The following ITGB1 variants were observed in gnomAD, a reference collection of about 807,000 sequenced individuals.
The protein encoded by ITGB1 is integrin subunit beta 1, also known as integrin beta-1.
A neutral mutation model predicts 86.5 loss-of-function variants in ITGB1; 24 were observed. The ratio of observed to expected loss-of-function variants is 0.28; its 90% CI spans 0.20 to 0.39. The LOEUF (loss-of-function observed/expected upper bound fraction) is 0.39, where lower values mean the gene tolerates loss of function less well. Among genes scored for constraint, ITGB1 ranks in the 10% least tolerant of loss-of-function variants. The probability of loss-of-function intolerance (pLI) is 1.00; values close to 1 mark genes in which losing one functional copy is unlikely to be tolerated. For missense variants in ITGB1, 556 were observed against 946.9 expected (o/e 0.59, Z 5.42); for synonymous variants, 323 against 316.8 (o/e 1.02, Z -0.21).
chr10:32,948,562 TGA>T (rs973402602), intron 1 of ITGB1, among the ~76,000 whole-genome samples: 13 of 152,122 alleles, frequency 8.5e-5, no homozygotes, highest in Admixed American at 2.0e-4. Flanking sequence ...GCAACAGTGA[TGA>T]GAGGTGGGAC....
At chr10:32,946,751 G>GC (rs2095032001) in intron 1 of ITGB1, among the ~76,000 whole-genome samples, 1 of 27,300 alleles carries the variant, frequency 3.7e-5, no homozygotes, top group Admixed American at 5.0e-4. Flanking sequence ...TGTATTTCTG[G>GC]GGGGGGGGGG....
intron 9 of ITGB1, among the ~76,000 whole-genome samples, chr10:32,921,028 G>A (rs866487717): frequency 2.6e-5 from 4 of 150,980 alleles, no homozygotes; most frequent in East Asian, 1.9e-4. Context: ...AAAAAAAAAC[G>A]AAATAAATGC....
In ITGB1 at chr10:32,925,938, C is replaced by T. The variant is rs371485643; in HGVS notation, c.719G>A (p.Arg240His). The part of the protein sequence containing the change: ...EVFNELVGKQ[R>H]ISGNLDSPEG... ...TGGAGAATCCAAATTTCCAGATATG[C>T]GCTGTTTTCCAACAAGTTCATTAAA... The change falls in exon 6 of 16, where the codon CGC (arginine) becomes CAC (histidine). Residue 240 changes from arginine to histidine, a missense_variant. Coordinates refer to ENST00000302278, the MANE Select transcript of ITGB1 (RefSeq NM_002211.4). 28 of 1,614,050 alleles carry T rather than the reference C, an allele frequency of 1.7e-5. No individual in the cohort carries two copies. The highest frequency in any genetic ancestry group is 1.6e-4 in the South Asian group (15 of 91,078).
At chr10:32,932,321 T>G (rs186301892) in intron 3 of ITGB1, among the ~76,000 whole-genome samples, 194 bp downstream of exon 3, 6 of 152,300 alleles carry the variant, frequency 3.9e-5, no homozygotes, top group Admixed American at 2.6e-4. Context: ...CTTAGAGCAA[T>G]TCTAATTTGT....
chr10:32,923,737 G>T lies in ITGB1; in HGVS notation c.790C>A (p.Leu264Met). 1 of 1,609,420 alleles carries T rather than the reference G, an allele frequency of 6.2e-7. No homozygotes were observed. The highest frequency in any genetic ancestry group is 8.5e-7 in the Non-Finnish European group (1 of 1,178,400). The change falls in exon 7 of 16, where the codon CTG (leucine) becomes ATG (methionine). Residue 264 changes from leucine to methionine, a missense_variant. By Grantham distance (15) the Leu-to-Met change is conservative. Around this residue, in one of 4 missense-constraint regions of ITGB1, gnomAD observed 25 missense variants for 76.3 expected, o/e 0.33. Coordinates refer to ENST00000302278, the MANE Select transcript of ITGB1 (RefSeq NM_002211.4). ...CGTGTAACATTCCTCCAGCCAATCA[G>T]TGACTTGAAAAGAAAAGGATTTCAA... Reference protein sequence around the residue: ...AIMQVAVCGSLIGWRNVTRLL... With the variant: ...AIMQVAVCGSMIGWRNVTRLL...
At chr10:32,947,432 C>CATGT (rs148694478) in intron 1 of ITGB1, among the ~76,000 whole-genome samples, 6 of 137,296 alleles carry the variant, frequency 4.4e-5, no homozygotes, top group Admixed American at 2.2e-4. Context: ...CACATATAGC[C>CATGT]GTGTGTGTGT....
intron 1 of ITGB1, among the ~76,000 whole-genome samples, chr10:32,940,343 CAAAAAA>C (rs35732606): frequency 9.2e-6 from 1 of 108,984 alleles, no homozygotes; most frequent in Non-Finnish European, 2.1e-5. Context: ...GACTCCATCT[CAAAAAA>C]AAAAAAAAAA....
At chr10:32,938,393 A>G (rs939561208) in intron 1 of ITGB1, among the ~76,000 whole-genome samples, 2 of 152,252 alleles carry the variant, frequency 1.3e-5, no homozygotes, top group Non-Finnish European at 2.9e-5. Flanking sequence ...GATACAACTC[A>G]GGCTGTTTAA....
chr10:32,911,823 T>C, intron 12 of ITGB1, 63 bp downstream of exon 12: 4 of 1,482,940 alleles, frequency 2.7e-6, no homozygotes, highest in Non-Finnish European at 3.7e-6. Context: ...CCAACTAAAC[T>C]CAAGATTTTT....
chr10:32,914,829 C>T (rs540924073), intron 11 of ITGB1, among the ~76,000 whole-genome samples: 1 of 152,084 alleles, frequency 6.6e-6, no homozygotes, highest in African/African-American at 2.4e-5. Context: ...TAGACATCTA[C>T]AGAACTCTCC....
Position 32,908,546 on chromosome 10 carries a change from G to T in ITGB1, c.2165-12C>A. ...ACCAGTGGGACACTCTGGAAAATAA[G>T]AAGGTAATAATGAGCACCACAAAGA... is the stretch of plus-strand genomic sequence containing the variant. On this transcript the variant is annotated splice_polypyrimidine_tract_variant and intron_variant, in intron 14 of 15. Transcript: ENST00000302278. The T allele has an allele frequency of 6.2e-7, 1 of 1,612,414 alleles. No homozygotes were observed. Among genetic ancestry groups the T allele is most frequent in the Non-Finnish European group, 8.5e-7 (1 of 1,178,948 alleles).
intron 9 of ITGB1, among the ~76,000 whole-genome samples, chr10:32,921,176 A>AAC (rs2094948813): frequency 1.3e-5 from 2 of 151,774 alleles, no homozygotes; most frequent in Non-Finnish European, 2.9e-5. Flanking sequence ...AAAAAAAAAA[A>AAC]AACAAAATCC....
intron 2 of ITGB1, among the ~76,000 whole-genome samples, chr10:32,932,925 C>A (rs1398731545): frequency 1.3e-5 from 2 of 152,018 alleles, no homozygotes; most frequent in East Asian, 3.9e-4. Flanking sequence ...CAATTATACT[C>A]TTTTAGTTAT....
intron 1 of ITGB1, among the ~76,000 whole-genome samples, chr10:32,938,045 C>T (rs1368163616): frequency 6.6e-6 from 1 of 152,200 alleles, no homozygotes; most frequent in Non-Finnish European, 1.5e-5. Flanking sequence ...GCCCAGCAGG[C>T]TGTTATGCCT....
chr10:32,918,619 T>C (rs1170865832), intron 11 of ITGB1, among the ~76,000 whole-genome samples: 4 of 152,182 alleles, frequency 2.6e-5, no homozygotes, highest in African/African-American at 9.7e-5. Flanking sequence ...AAAGTAACCA[T>C]TTTGGTCAAG....
intron 1 of ITGB1, among the ~76,000 whole-genome samples, chr10:32,951,049 G>C (rs528840932): frequency 4.6e-5 from 7 of 152,106 alleles, no homozygotes; most frequent in Non-Finnish European, 1.0e-4. Context: ...TTGGGGGTAG[G>C]GGGAGGTAAA....
intron 1 of ITGB1, among the ~76,000 whole-genome samples, chr10:32,948,842 G>A (rs889605262): frequency 6.6e-6 from 1 of 152,052 alleles, no homozygotes; most frequent in Non-Finnish European, 1.5e-5. Context: ...CAAAGACTAA[G>A]ACAAGGTTCT....
rs571849691 is a variant in ITGB1 at position 32,910,193 on chromosome 10, A to C, written c.2164+30T>G. 2.7e-6 allele frequency: 4 copies of C among 1,496,934 alleles called. No homozygotes were observed. The South Asian group carries it at 3.4e-5, about 13-fold the overall frequency. 92.7% of individuals were successfully genotyped at this position (1,496,934 alleles called of 1,614,324 possible). On this transcript the variant is annotated intron_variant, in intron 14 of 15. Coordinates refer to ENST00000302278, the MANE Select transcript of ITGB1 (RefSeq NM_002211.4). The stretch of plus-strand genomic sequence containing the variant: ...CAGAAACAAGACATACAAGATATGA[A>C]AAGAATGTCTGCAATCATCGCATTT...
chr10:32,952,955 A>G (rs1467883399), intron 1 of ITGB1, among the ~76,000 whole-genome samples: 3 of 152,196 alleles, frequency 2.0e-5, no homozygotes, highest in South Asian at 2.1e-4. Flanking sequence ...TCAGGCTAGT[A>G]TTGGAGGGCA....
Sources: gnomAD v4.1 joint callset for allele counts (sites outside exome capture counted in the v4.1 genomes callset) on GRCh38, gnomAD v4.1.1 for gene constraint, gnomAD v4.1.1 regional missense constraint, MANE v1.5 for transcripts, NCBI Gene and HGNC (gene_info 2026-07-23, HGNC 2026-07-21) for gene names.